AVEN: variants seen among roughly 807,000 people sequenced by gnomAD.
AVEN encodes the protein apoptosis and caspase activation inhibitor, also known as cell death regulator Aven.
A neutral mutation model predicts 38.1 loss-of-function variants in AVEN; 41 were observed. That is an observed-to-expected ratio of 1.08 (90% confidence interval 0.84 to 1.40). AVEN has a LOEUF of 1.40. AVEN is among the 40% of genes most tolerant of loss of function. The pLI is 0.00. For missense variants in AVEN, 605 were observed against 438.8 expected, an observed-to-expected ratio of 1.38 and a Z score of -3.38; for synonymous variants, 206 against 171.8, an observed-to-expected ratio of 1.20 and a Z score of -1.56.
intron 3 of AVEN, among the ~76,000 whole-genome samples, chr15:33,875,466 A>ATATTTGCCCTTATTT (rs1316348887): frequency 3.3e-5 from 5 of 152,202 alleles, no homozygotes; most frequent in African/African-American, 9.7e-5. Context: ...GACTTCTATA[A>ATATTTGCCCTTATTT]TATTTGCCCT....
chr15:34,009,107 A>G (rs1046502796), intron 1 of AVEN, among the ~76,000 whole-genome samples: 9 of 152,188 alleles, frequency 5.9e-5, no homozygotes, highest in African/African-American at 1.9e-4. Flanking sequence ...TAACATATTC[A>G]AAGTGTTGCT....
chr15:33,865,233 A>ATCAAAGAAGCGCGACAATTCTGGACAG, downstream of AVEN: 1 of 1,605,436 alleles, frequency 6.2e-7, no homozygotes, highest in Non-Finnish European at 8.5e-7. Context: ...ATAAATCTGA[A>ATCAAAGAAGCGCGACAATTCTGGACAG]TCAAAGAAGC....
Position 34,038,915 on chromosome 15 carries a change from G to GCCGCCGCCT in AVEN, c.123_131dup (p.Gly43_Gly45dup). 1.4e-6 allele frequency: 1 copy of GCCGCCGCCT among 721,742 alleles called. No homozygotes were observed. The highest frequency in any genetic ancestry group is 1.7e-6 in the Non-Finnish European group (1 of 576,640). 44.7% of individuals were successfully genotyped at this position (721,742 alleles called of 1,614,324 possible). A position where few individuals can be genotyped will look rare whatever the true frequency, so the allele number is the denominator to read the frequency against. On this transcript the variant is annotated inframe_insertion, in exon 1 of 6. Coordinates refer to ENST00000306730, the MANE Select transcript of AVEN (RefSeq NM_020371.3). ...GGCCCCGGCGTCCGCCTCCGTCCCC[G>GCCGCCGCCT]CCGCCGCCTCCGCCGCCGCCTCTGG...
chr15:33,862,225 C>A (rs778890547), downstream of AVEN, among the ~76,000 whole-genome samples: 2 of 152,162 alleles, frequency 1.3e-5, no homozygotes, highest in African/African-American at 2.4e-5. Flanking sequence ...CCTCATCTTT[C>A]GAGATAGATA....
intron 4 of AVEN, among the ~76,000 whole-genome samples, chr15:33,869,479 T>G (rs909558752): frequency 3.3e-5 from 5 of 152,174 alleles, no homozygotes; most frequent in African/African-American, 4.8e-5. Context: ...CCTCATCATA[T>G]GAGATCAAGC....
chr15:34,028,377 C>T (rs904593838), intron 1 of AVEN, among the ~76,000 whole-genome samples: 1 of 152,086 alleles, frequency 6.6e-6, no homozygotes, highest in Non-Finnish European at 1.5e-5. Context: ...GCAGCCTGTG[C>T]AACCTGGCAA....
chr15:34,050,212 T>A (rs1406800974), intron 5 of AVEN, among the ~76,000 whole-genome samples: 1 of 152,028 alleles, frequency 6.6e-6, no homozygotes, highest in Admixed American at 6.6e-5. Context: ...GAAAAGAATG[T>A]CCAGACCAGA....
At chr15:33,864,141 C>A, downstream of AVEN, 1 of 1,610,886 alleles carries the variant, frequency 6.2e-7, no homozygotes, top group Non-Finnish European at 8.5e-7. Context: ...GTTCCAGGTT[C>A]TTTCTGATGT....
At chr15:33,871,054 T>TA in intron 3 of AVEN, 24 bp from the exon 4 acceptor site, 1 of 1,317,798 alleles carries the variant, frequency 7.6e-7, no homozygotes, top group Non-Finnish European at 1.0e-6. Context: ...TAAAAGAAAA[T>TA]AAAATATCAG....
At chr15:33,893,397 C>G (rs1194845902) in intron 2 of AVEN, among the ~76,000 whole-genome samples, 1 of 152,134 alleles carries the variant, frequency 6.6e-6, no homozygotes, top group African/African-American at 2.4e-5. Context: ...CATACAAACA[C>G]CAGCCTTGCT....
At chr15:33,863,740 A>G (rs1889386275), downstream of AVEN, among the ~76,000 whole-genome samples, 1 of 152,230 alleles carries the variant, frequency 6.6e-6, no homozygotes, top group Non-Finnish European at 1.5e-5. Context: ...AGACACACAC[A>G]TAATTAATTT....
chr15:34,015,752 A>C (rs1897874441), intron 1 of AVEN, among the ~76,000 whole-genome samples: 1 of 152,192 alleles, frequency 6.6e-6, no homozygotes. Flanking sequence ...GACACGTCTC[A>C]CACGGATCTT....
At chr15:33,895,049 G>A (rs937617109) in intron 2 of AVEN, among the ~76,000 whole-genome samples, 5 of 151,758 alleles carry the variant, frequency 3.3e-5, no homozygotes, top group Non-Finnish European at 5.9e-5. Context: ...TTGAAAGAAC[G>A]TTTCCATCTT....
At chr15:33,870,168 C>G (rs1343124345) in intron 4 of AVEN, among the ~76,000 whole-genome samples, 1 of 152,140 alleles carries the variant, frequency 6.6e-6, no homozygotes, top group African/African-American at 2.4e-5. Context: ...TACCTCAGTA[C>G]AGCCCTCTCC....
chr15:34,062,622 A>C, intron 5 of AVEN: 1 of 1,128,860 alleles, frequency 8.9e-7, no homozygotes, highest in Non-Finnish European at 1.3e-6. Flanking sequence ...TGCGAAGCTA[A>C]TGTGTTTCCC....
intron 2 of AVEN, among the ~76,000 whole-genome samples, chr15:33,949,607 G>A (rs914058627): frequency 5.9e-5 from 9 of 152,108 alleles, no homozygotes; most frequent in African/African-American, 1.9e-4. Context: ...AAATGGACAC[G>A]AGGTTTCTTT....
At chr15:33,912,542 C>A (rs1892954929) in intron 2 of AVEN, among the ~76,000 whole-genome samples, 1 of 152,196 alleles carries the variant, frequency 6.6e-6, no homozygotes, top group Admixed American at 6.5e-5. Flanking sequence ...CAAAACATCA[C>A]CAAGCATGGA....
chr15:33,866,770 T>G (rs764513368), intron 5 of AVEN, 42 bp from the exon 6 acceptor site: 1 of 1,422,418 alleles, frequency 7.0e-7, no homozygotes, highest in Non-Finnish European at 9.9e-7. Context: ...AGATGAGTCC[T>G]AAAATTGAAG....
chr15:33,878,808 A>G (rs1453957046), intron 2 of AVEN, among the ~76,000 whole-genome samples: 2 of 152,190 alleles, frequency 1.3e-5, no homozygotes, highest in African/African-American at 4.8e-5. Context: ...AGGGGAGAAT[A>G]TATGAAATAT....
Sources: allele counts gnomAD v4.1 joint callset (sites outside exome capture counted in the v4.1 genomes callset), GRCh38; gene constraint gnomAD v4.1.1; transcripts MANE v1.5; gene names NCBI Gene and HGNC (gene_info 2026-07-23, HGNC 2026-07-21).